Variants in GALNT13 observed in about 807,000 individuals in gnomAD.
GALNT13 encodes the protein UDP-GalNAc:polypeptide N-acetylgalactosaminyltransferase 13.
GALNT13 carries 28 observed loss-of-function variants against 64.2 expected under a neutral mutation model. The ratio of observed to expected loss-of-function variants is 0.44; its 90% CI spans 0.32 to 0.60. GALNT13 has a LOEUF of 0.60. Among genes scored for constraint, GALNT13 ranks in the 20% least tolerant of loss-of-function variants. GALNT13 has a pLI of 0.05. For missense variants in GALNT13, 577 were observed against 669.8 expected (o/e 0.86, Z 1.53); for synonymous variants, 214 against 224.6 (o/e 0.95, Z 0.42).
At chr2:153,497,522 A>ATTCTTTTTTT in the GALNT13 span, among the ~76,000 whole-genome samples, 1 of 36,896 alleles carries the variant, frequency 2.7e-5, no homozygotes, top group Non-Finnish European at 4.8e-5. Flanking sequence ...TTTCTCCCGC[A>ATTCTTTTTTT]TTTTTTTTTT....
At chr2:153,994,170 G>T (rs931829477) in intron 3 of GALNT13, among the ~76,000 whole-genome samples, 26 of 151,928 alleles carry the variant, frequency 1.7e-4, no homozygotes, top group Non-Finnish European at 2.6e-4. Context: ...GCAGTGTTTG[G>T]TTTTTTTGTC....
the GALNT13 span, among the ~76,000 whole-genome samples, chr2:153,284,408 G>C: frequency 6.6e-6 from 1 of 152,162 alleles, no homozygotes; most frequent in Non-Finnish European, 1.5e-5. Flanking sequence ...CCTCTGGACT[G>C]AGACTAAAAT....
chr2:154,177,683 A>C (rs1389524600), intron 4 of GALNT13, among the ~76,000 whole-genome samples: 1 of 152,196 alleles, frequency 6.6e-6, no homozygotes, highest in Non-Finnish European at 1.5e-5. Context: ...GGGAAAGGGA[A>C]TATATGGGAA....
intron 3 of GALNT13, among the ~76,000 whole-genome samples, chr2:154,101,204 G>C (rs1702330363): frequency 6.6e-6 from 1 of 151,878 alleles, no homozygotes; most frequent in African/African-American, 2.4e-5. Context: ...TGGCATCATG[G>C]TGATACTGGA....
chr2:153,256,726 C>A, the GALNT13 span, among the ~76,000 whole-genome samples: 4 of 152,282 alleles, frequency 2.6e-5, no homozygotes, highest in South Asian at 2.1e-4. Context: ...AGGTGTCAGT[C>A]TGCCCCTGCT....
chr2:154,068,324 A>T (rs1700570194), intron 3 of GALNT13, among the ~76,000 whole-genome samples: 1 of 152,110 alleles, frequency 6.6e-6, no homozygotes, highest in East Asian at 1.9e-4. Flanking sequence ...AAATACTAAA[A>T]ATGGATCTGC....
At chr2:153,212,702 C>A in the GALNT13 span, among the ~76,000 whole-genome samples, 2 of 152,216 alleles carry the variant, frequency 1.3e-5, no homozygotes, top group East Asian at 1.9e-4. Flanking sequence ...GAAATCCAAT[C>A]TCCTTGGCTT....
chr2:153,310,923 G>A, the GALNT13 span, among the ~76,000 whole-genome samples: 1 of 152,160 alleles, frequency 6.6e-6, no homozygotes, highest in Non-Finnish European at 1.5e-5. Flanking sequence ...CAGATGGAAG[G>A]ATCAATTCCT....
At position 154,452,648 on chromosome 2, in the gene GALNT13, A is replaced by C. The variant is rs913718627; in HGVS notation, c.*2097A>C. 14 of 152,212 alleles carry C rather than the reference A, an allele frequency of 9.2e-5. No individual in the cohort carries two copies. Among genetic ancestry groups the C allele is most frequent in the African/African-American group, 3.4e-4 (14 of 41,458 alleles). 9.4% of individuals were successfully genotyped at this position (152,212 alleles called of 1,614,324 possible). A position where few individuals can be genotyped will look rare whatever the true frequency, so the allele number is the denominator to read the frequency against. Reference sequence around the variant, plus strand: ...AAATATGTGAAAGTTCATTGTGGTCATGGTGAGAAAACTAAAACTACATGA... The same window carrying C: ...AAATATGTGAAAGTTCATTGTGGTCCTGGTGAGAAAACTAAAACTACATGA... On this transcript the variant is annotated 3_prime_UTR_variant, in exon 13 of 13. Coordinates refer to ENST00000392825, the MANE Select transcript of GALNT13 (RefSeq NM_052917.4).
chr2:153,583,562 C>T, the GALNT13 span, among the ~76,000 whole-genome samples: 1 of 152,102 alleles, frequency 6.6e-6, no homozygotes, highest in African/African-American at 2.4e-5. Flanking sequence ...GAATGAATGC[C>T]TTTTTGTGGT....
chr2:153,134,441 A>G, the GALNT13 span, among the ~76,000 whole-genome samples: 78 of 151,876 alleles, frequency 5.1e-4, no homozygotes, highest in African/African-American at 1.8e-3. Flanking sequence ...GAAAGGGTTA[A>G]TAGAGAAAGG....
chr2:154,234,726 C>G (rs1270415553), intron 4 of GALNT13, among the ~76,000 whole-genome samples: 1 of 152,080 alleles, frequency 6.6e-6, no homozygotes, highest in African/African-American at 2.4e-5. Flanking sequence ...GGGAGTTGAT[C>G]TGATAATTCA....
At chr2:153,117,254 A>G in the GALNT13 span, among the ~76,000 whole-genome samples, 1 of 152,206 alleles carries the variant, frequency 6.6e-6, no homozygotes, top group Admixed American at 6.5e-5. Context: ...CGTACTTATA[A>G]GGTAAGAAAG....
At chr2:153,258,839 A>G in the GALNT13 span, among the ~76,000 whole-genome samples, 3 of 152,098 alleles carry the variant, frequency 2.0e-5, no homozygotes, top group Non-Finnish European at 2.9e-5. Flanking sequence ...ATATAATTTC[A>G]TTTTTTAAGA....
At chr2:154,022,956 C>G (rs1697638343) in intron 3 of GALNT13, among the ~76,000 whole-genome samples, 1 of 152,162 alleles carries the variant, frequency 6.6e-6, no homozygotes, top group South Asian at 2.1e-4. Context: ...ATTATTTACC[C>G]AGTTGTCATT....
At chr2:154,310,970 A>ATATATTCATAGAATATTCTAAGAATG (rs1694001365) in intron 9 of GALNT13, among the ~76,000 whole-genome samples, 1 of 152,044 alleles carries the variant, frequency 6.6e-6, no homozygotes, top group South Asian at 2.1e-4. Context: ...TTCTAAGAAT[A>ATATATTCATAGAATATTCTAAGAATG]TATATTCATA....
intron 3 of GALNT13, among the ~76,000 whole-genome samples, chr2:154,122,048 G>T (rs1488610036): frequency 1.3e-5 from 2 of 152,016 alleles, no homozygotes; most frequent in Admixed American, 6.5e-5. Context: ...TTGTCTGAAA[G>T]ATTTTATGGT....
the GALNT13 span, among the ~76,000 whole-genome samples, chr2:153,216,108 T>G: frequency 1.3e-5 from 2 of 152,050 alleles, no homozygotes; most frequent in Admixed American, 1.3e-4. Flanking sequence ...CCTCTTTCAA[T>G]GAACAAAGTC....
At chr2:153,489,038 C>G in the GALNT13 span, among the ~76,000 whole-genome samples, 2 of 152,128 alleles carry the variant, frequency 1.3e-5, no homozygotes, top group Non-Finnish European at 2.9e-5. Flanking sequence ...TCAAATACTG[C>G]ATGTTCTCAC....
Sources: gnomAD v4.1 joint callset for allele counts (sites outside exome capture counted in the v4.1 genomes callset) on GRCh38, gnomAD v4.1.1 for gene constraint, MANE v1.5 for transcripts, NCBI Gene and HGNC (gene_info 2026-07-23, HGNC 2026-07-21) for gene names.